Variants in RBPJ observed in about 807,000 individuals in gnomAD.
RBPJ encodes the protein recombining binding protein suppressor of hairless.
A neutral mutation model predicts 67.8 loss-of-function variants in RBPJ; 9 were observed. The observed-to-expected ratio is 0.13, with a 90% CI of 0.08 to 0.23. The LOEUF is 0.23. Among genes scored for constraint, RBPJ ranks in the 10% least tolerant of loss-of-function variants. The pLI is 1.00. For missense variants in RBPJ, 305 were observed against 595.6 expected, an observed-to-expected ratio of 0.51 and a Z score of 5.08; for synonymous variants, 198 against 203.3, an observed-to-expected ratio of 0.97 and a Z score of 0.22.
rs1736086332 is a variant in RBPJ at position 26,430,297 on chromosome 4, A to T, written c.1045-122A>T. The T allele has an allele frequency of 2.2e-6, 2 of 929,798 alleles. No homozygotes were observed. The highest frequency in any genetic ancestry group is 1.7e-5 in the African/African-American group (1 of 59,336). 57.6% of individuals were successfully genotyped at this position (929,798 alleles called of 1,614,324 possible). A position where few individuals can be genotyped will look rare whatever the true frequency, so the allele number is the denominator to read the frequency against. On this transcript the variant is annotated intron_variant, in intron 9 of 10. Transcript: ENST00000355476. The surrounding 1 kb of genome is among the most constrained non-coding windows in gnomAD (Gnocchi z 4.1). ...AAATGTTTTTAGCTAGCTTTGTAAT[A>T]AAAAACATTTTAATTGCCCTTTTTT...
At position 26,215,095 on chromosome 4, in the gene RBPJ, GAGAA is replaced by G. The variant is rs1191021701; in HGVS notation, c.-167+51491_-167+51494del. Among the ~76,000 whole-genome samples, 133 of 39,112 alleles carry G rather than the reference GAGAA, an allele frequency of 3.4e-3. 21 individuals are homozygous for G. Among genetic ancestry groups the G allele is most frequent in the Middle Eastern group, 0.019 (1 of 52 alleles). 25.7% of individuals were successfully genotyped at this position (39,112 alleles called of 152,430 possible). ...GAAAAAGAGAGAAAAAAGACAGAAA[GAGAA>G]AGAAAGAAAAAGAAAGAAAGGAAAG... On this transcript the variant is annotated intron_variant, in intron 1 of 4. Coordinates refer to the RBPJ transcript ENST00000512351.
chr4:26,208,741 A>G (rs372152935), intron 1 of RBPJ, among the ~76,000 whole-genome samples: 1 of 152,224 alleles, frequency 6.6e-6, no homozygotes, highest in African/African-American at 2.4e-5. Flanking sequence ...CCTTCACAAG[A>G]CAATATTCCA....
intron 1 of RBPJ, among the ~76,000 whole-genome samples, chr4:26,274,680 A>G (rs1226487572): frequency 6.6e-6 from 1 of 152,156 alleles, no homozygotes; most frequent in Non-Finnish European, 1.5e-5. Flanking sequence ...TCACACCTGT[A>G]ATCCCAGCTC....
chr4:26,177,224 G>T (rs536957878), intron 1 of RBPJ, among the ~76,000 whole-genome samples: 1 of 152,136 alleles, frequency 6.6e-6, no homozygotes, highest in African/African-American at 2.4e-5. Context: ...GCTCTAGCTC[G>T]TCACTGGAGG....
intron 1 of RBPJ, among the ~76,000 whole-genome samples, chr4:26,286,594 C>G (rs548947977): frequency 6.6e-6 from 1 of 151,316 alleles, no homozygotes; most frequent in South Asian, 2.1e-4. Flanking sequence ...ATTCATTGTT[C>G]TGACTGCACA....
the RBPJ span, among the ~76,000 whole-genome samples, chr4:26,119,050 C>T: frequency 6.6e-6 from 1 of 152,194 alleles, no homozygotes; most frequent in Non-Finnish European, 1.5e-5. Flanking sequence ...CAGGGTATTG[C>T]ATTGATCCGG....
At chr4:26,279,486 C>G (rs1474498136) in intron 1 of RBPJ, among the ~76,000 whole-genome samples, 2 of 152,192 alleles carry the variant, frequency 1.3e-5, no homozygotes, top group African/African-American at 2.4e-5. Context: ...TCATGTTGGC[C>G]ACGATGGTCT....
At chr4:26,245,877 T>C (rs1213662047) in intron 1 of RBPJ, among the ~76,000 whole-genome samples, 2 of 152,242 alleles carry the variant, frequency 1.3e-5, no homozygotes, top group South Asian at 2.1e-4. Flanking sequence ...CAACTGTACA[T>C]ATCTAGGCTT....
chr4:26,331,741 C>T (rs1724288551), intron 1 of RBPJ, among the ~76,000 whole-genome samples: 1 of 152,236 alleles, frequency 6.6e-6, no homozygotes, highest in Non-Finnish European at 1.5e-5. Context: ...TACTCGAGAA[C>T]TGGCTGGACG....
intron 1 of RBPJ, among the ~76,000 whole-genome samples, chr4:26,281,370 C>T (rs1472020364): frequency 6.6e-6 from 1 of 152,132 alleles, no homozygotes; most frequent in East Asian, 1.9e-4. Flanking sequence ...CCTCCACCTC[C>T]TGGGTTCAAG....
chr4:26,265,422 G>A (rs1044543393), intron 1 of RBPJ, among the ~76,000 whole-genome samples: 2 of 151,786 alleles, frequency 1.3e-5, no homozygotes, highest in African/African-American at 4.8e-5. Context: ...CCAGCTACTC[G>A]GGAGGCTGAG....
chr4:26,152,495 C>T, the RBPJ span, among the ~76,000 whole-genome samples: 1 of 152,200 alleles, frequency 6.6e-6, no homozygotes, highest in Non-Finnish European at 1.5e-5. Flanking sequence ...CATAGTAAAG[C>T]CAGGATAGTT....
intron 1 of RBPJ, chr4:26,343,190 G>A (rs1373471149): frequency 6.6e-6 from 1 of 152,204 alleles, no homozygotes; most frequent in South Asian, 2.1e-4. Flanking sequence ...AGCAGGGCGA[G>A]TTAGGACGGC....
At chr4:26,391,182 A>G (rs1731465300) in intron 2 of RBPJ, among the ~76,000 whole-genome samples, 2 of 152,224 alleles carry the variant, frequency 1.3e-5, no homozygotes, top group South Asian at 4.1e-4. Flanking sequence ...TAAAATTTAT[A>G]TAGAAATGCA....
the RBPJ span, among the ~76,000 whole-genome samples, chr4:26,120,467 A>G: frequency 6.6e-6 from 1 of 152,172 alleles, no homozygotes; most frequent in South Asian, 2.1e-4. Flanking sequence ...TTTTCTTGAG[A>G]GACAAATTTA....
At chr4:26,158,758 G>A (rs1449804998), upstream of RBPJ, among the ~76,000 whole-genome samples, 2 of 152,192 alleles carry the variant, frequency 1.3e-5, no homozygotes, top group African/African-American at 4.8e-5. Flanking sequence ...GTAAAACCAT[G>A]TGTCATCCTT....
rs1018465529 is a variant in RBPJ at position 26,433,533 on chromosome 4, C to T, written c.*2526C>T. 3 of 151,904 alleles carry T rather than the reference C, an allele frequency of 2.0e-5. No homozygotes were observed. Among genetic ancestry groups the T allele is most frequent in the Non-Finnish European group, 2.9e-5 (2 of 67,980 alleles). The allele number at this position is 151,904 out of a possible 1,614,324, so 9.4% of individuals were successfully genotyped here. A position where few individuals can be genotyped will look rare whatever the true frequency, so the allele number is the denominator to read the frequency against. ...AATGAACTTGTGTTTTTTTAACAAA[C>T]ATGTATGTTTTATTTTGATAGTTTC... is the stretch of plus-strand genomic sequence containing the variant. On this transcript the variant is annotated 3_prime_UTR_variant, in exon 11 of 11. Coordinates refer to ENST00000355476, the MANE Select transcript of RBPJ (RefSeq NM_015874.6).
intron 1 of RBPJ, among the ~76,000 whole-genome samples, chr4:26,270,361 G>GAAAGAAAGAAAGA (rs1720842171): frequency 5.7e-5 from 1 of 17,568 alleles, no homozygotes; most frequent in South Asian, 1.9e-3. Context: ...GCAAGAGAAA[G>GAAAGAAAGAAAGA]AAAGAAAGAA....
intron 1 of RBPJ, among the ~76,000 whole-genome samples, chr4:26,222,335 A>G (rs994690265): frequency 6.6e-6 from 1 of 151,970 alleles, no homozygotes; most frequent in Non-Finnish European, 1.5e-5. Flanking sequence ...CTGTACTAAA[A>G]ATACAAAAAA....
Sources: allele counts gnomAD v4.1 joint callset (sites outside exome capture counted in the v4.1 genomes callset), GRCh38; gene constraint gnomAD v4.1.1; non-coding constraint Gnocchi (gnomAD v3.1); transcripts MANE v1.5; gene names NCBI Gene and HGNC (gene_info 2026-07-23, HGNC 2026-07-21).